The following CELF2 variants were observed in gnomAD, a reference collection of about 807,000 sequenced individuals.
CELF2 encodes CUG triplet repeat RNA-binding protein 2.
CELF2 carries 8 observed loss-of-function variants against 62.6 expected under a neutral mutation model. That is an observed-to-expected ratio of 0.13 (90% CI 0.07 to 0.23). The LOEUF is 0.23. Among genes scored for constraint, CELF2 ranks in the 10% least tolerant of loss-of-function variants. The probability of loss-of-function intolerance (pLI) is 1.00; values close to 1 mark genes in which losing one functional copy is unlikely to be tolerated. For synonymous variants in CELF2, 258 were observed against 250.0 expected (o/e 1.03, Z -0.30); for missense variants, 333 against 671.0 (o/e 0.50, Z 5.56).
the CELF2 span, among the ~76,000 whole-genome samples, chr10:10,701,848 G>C: frequency 6.6e-6 from 1 of 152,188 alleles, no homozygotes; most frequent in Non-Finnish European, 1.5e-5. Flanking sequence ...CTACCCCGTA[G>C]TTAGACGAAT....
At chr10:10,798,692 T>C (rs950363988) in exon 1 of CELF2, 8 of 398,596 alleles carry the variant, frequency 2.0e-5, no homozygotes, top group African/African-American at 1.4e-4. Context: ...GGGTCCAGAA[T>C]CCTCCGTCTG....
chr10:10,519,422 A>C, the CELF2 span, among the ~76,000 whole-genome samples: 3 of 152,314 alleles, frequency 2.0e-5, no homozygotes, highest in South Asian at 6.2e-4. Flanking sequence ...TTGTGATGGC[A>C]TGGAAGATGT....
rs561230973 is a variant in CELF2 at position 11,254,201 on chromosome 10, G to A, written c.404-3537G>A. Among the ~76,000 whole-genome samples the A allele has an allele frequency of 2.0e-5, 3 of 152,316 alleles. No homozygotes were observed. In the East Asian group the frequency reaches 5.8e-4, roughly 29 times the overall value. ...TGAATTGTATGACTAACTTGTCACTGGAAAACCAAAAAAACTCAGAAGAAA... is the reference window on the plus strand; with the variant it reads ...TGAATTGTATGACTAACTTGTCACTAGAAAACCAAAAAAACTCAGAAGAAA... On this transcript the variant is annotated intron_variant, in intron 4 of 12. Coordinates refer to ENST00000633077, the MANE Select transcript of CELF2 (RefSeq NM_001326342.2).
In CELF2 at chr10:10,888,902, T is replaced by G. The variant is rs1296315783; in HGVS notation, c.54-31062T>G. The stretch of plus-strand genomic sequence containing the variant: ...CTGTCTCCCCCAGTAGTTCATAGGC[T>G]TCTTGGAGCGGGGACCATGTCACTC... On this transcript the variant is annotated intron_variant, in intron 1 of 13. Coordinates refer to the CELF2 transcript ENST00000636488. 2.6e-5 allele frequency among the ~76,000 whole-genome samples: 4 copies of G among 152,318 alleles called. No homozygotes were observed. The East Asian group carries it at 7.7e-4, about 29-fold the overall frequency.
At chr10:10,661,034 C>T in the CELF2 span, among the ~76,000 whole-genome samples, 1 of 152,094 alleles carries the variant, frequency 6.6e-6, no homozygotes, top group Non-Finnish European at 1.5e-5. Context: ...TTACATCTGC[C>T]TTTTTAAAAT....
At chr10:10,750,284 G>GA in the CELF2 span, among the ~76,000 whole-genome samples, 18,453 of 110,634 alleles carry the variant, frequency 0.17, 1,323 homozygotes, top group East Asian at 0.31. Flanking sequence ...CCATCTCAAA[G>GA]AAAAAAAAAA....
intron 1 of CELF2, among the ~76,000 whole-genome samples, chr10:11,055,011 G>T (rs1036855344): frequency 1.3e-5 from 2 of 152,202 alleles, no homozygotes; most frequent in African/African-American, 4.8e-5. Flanking sequence ...CACCGCACCC[G>T]GCTTCTAGTG....
rs151190943 is a variant in CELF2, at chr10:11,244,090, T to A, written c.355-5063T>A. On this transcript the variant is annotated intron_variant, in intron 3 of 12. Coordinates refer to ENST00000633077, the MANE Select transcript of CELF2 (RefSeq NM_001326342.2). The surrounding 1 kb of genome is among the most constrained non-coding windows in gnomAD (Gnocchi z 4.2). ...TCCTGCCTCCAGCCCCATCTAGCTC[T>A]GGCAGCAGGGAGGGCCAGGGTCCCT... Among the ~76,000 whole-genome samples, 1 of 152,218 alleles carries A rather than the reference T, an allele frequency of 6.6e-6. No individual in the cohort carries two copies. Among genetic ancestry groups the A allele is most frequent in the Non-Finnish European group, 1.5e-5 (1 of 68,040 alleles).
chr10:10,643,243 T>C, the CELF2 span, among the ~76,000 whole-genome samples: 5 of 152,014 alleles, frequency 3.3e-5, no homozygotes, highest in Admixed American at 3.3e-4. Flanking sequence ...CCAAATCTCA[T>C]CTTGAATTGT....
the CELF2 span, among the ~76,000 whole-genome samples, chr10:10,697,403 G>C: frequency 6.6e-6 from 1 of 152,186 alleles, no homozygotes; most frequent in East Asian, 1.9e-4. Flanking sequence ...CTGCAGCATT[G>C]CTTAAGGCCA....
intron 2 of CELF2, among the ~76,000 whole-genome samples, chr10:11,188,436 A>G (rs1171396436): frequency 6.6e-6 from 1 of 152,184 alleles, no homozygotes; most frequent in Non-Finnish European, 1.5e-5. Context: ...ATAGATTTCT[A>G]GGTGGACAGG....
At chr10:10,618,623 C>G in the CELF2 span, among the ~76,000 whole-genome samples, 1 of 152,032 alleles carries the variant, frequency 6.6e-6, no homozygotes, top group Non-Finnish European at 1.5e-5. Flanking sequence ...ACTGTAAGTT[C>G]CCTGAGGACA....
At chr10:11,251,757 T>C (rs1388120876) in intron 4 of CELF2, among the ~76,000 whole-genome samples, 1 of 152,208 alleles carries the variant, frequency 6.6e-6, no homozygotes. Flanking sequence ...ATTTGAGGTT[T>C]ACATAAGTTA....
intron 1 of CELF2, among the ~76,000 whole-genome samples, chr10:10,832,924 C>A (rs1478937957): frequency 6.6e-6 from 1 of 151,974 alleles, no homozygotes; most frequent in Admixed American, 6.6e-5. Context: ...CCAAGAATCA[C>A]CTTAGGACAG....
At chr10:11,171,443 ATCTTAGTTTG>A (rs1020073878) in intron 2 of CELF2, 1 of 152,578 alleles carries the variant, frequency 6.6e-6, no homozygotes, top group African/African-American at 2.4e-5. Context: ...CGTTAGTAAA[ATCTTAGTTTG>A]TCTCAATCTC....
At position 11,211,780 on chromosome 10, in the gene CELF2, GTGTA is replaced by G. The variant is rs1433261781; in HGVS notation, c.272-5641_272-5638del. 3.9e-4 allele frequency among the ~76,000 whole-genome samples: 57 copies of G among 146,764 alleles called. No individual in the cohort carries two copies. Among genetic ancestry groups the G allele is most frequent in the African/African-American group, 1.3e-3 (51 of 39,948 alleles). ...TGTGTGTGAGTGAGTGAGAGTGTGT[GTGTA>G]TGTGTGTGAGAGAGAGAGAGAGAGA... On this transcript the variant is annotated intron_variant, in intron 2 of 12. Coordinates refer to ENST00000633077, the MANE Select transcript of CELF2 (RefSeq NM_001326342.2). This position sits in a 1 kb window ranked among gnomAD's most constrained non-coding sequence, Gnocchi z 4.8.
chr10:11,117,897 T>A lies in CELF2; in HGVS notation c.75-47589T>A, dbSNP rs2056900644. Among the ~76,000 whole-genome samples, 1 of 152,112 alleles carries A rather than the reference T, an allele frequency of 6.6e-6. No individual in the cohort carries two copies. Among genetic ancestry groups the A allele is most frequent in the South Asian group, 2.1e-4 (1 of 4,830 alleles). On this transcript the variant is annotated intron_variant, in intron 1 of 12. Coordinates refer to ENST00000633077, the MANE Select transcript of CELF2 (RefSeq NM_001326342.2). This position sits in a 1 kb window ranked among gnomAD's most constrained non-coding sequence, Gnocchi z 4.1. ...CTCACAGCCTTTTTCTGCGCTATCC[T>A]TTTATACATTTTTTATAAGGCAGAA...
At chr10:11,120,859 CAA>C (rs552503090) in intron 1 of CELF2, among the ~76,000 whole-genome samples, 100 of 152,306 alleles carry the variant, frequency 6.6e-4, no homozygotes, top group African/African-American at 2.2e-3. Context: ...GAGGCTCTTA[CAA>C]ATACTTTGTG....
At chr10:11,307,434 G>A (rs550611654) in intron 9 of CELF2, among the ~76,000 whole-genome samples, 2 of 152,366 alleles carry the variant, frequency 1.3e-5, no homozygotes, top group East Asian at 3.9e-4. Flanking sequence ...ATGTTTAGAT[G>A]AAAGTGGGGA....
Sources: allele counts gnomAD v4.1 joint callset (sites outside exome capture counted in the v4.1 genomes callset), GRCh38; gene constraint gnomAD v4.1.1; non-coding constraint Gnocchi (gnomAD v3.1); transcripts MANE v1.5; gene names NCBI Gene and HGNC (gene_info 2026-07-23, HGNC 2026-07-21).